DIAPH2: variants seen among roughly 807,000 people sequenced by gnomAD.
DIAPH2 encodes the protein protein diaphanous homolog 2.
In DIAPH2, 35 loss-of-function variants were observed where a neutral mutation model predicts 92.7. The ratio of observed to expected loss-of-function variants is 0.38; its 90% CI spans 0.29 to 0.50. DIAPH2 has a LOEUF of 0.50. Among genes scored for constraint, DIAPH2 ranks in the 20% least tolerant of loss-of-function variants. The pLI, the probability that DIAPH2 is intolerant of heterozygous loss-of-function variation, is 0.94. For synonymous variants in DIAPH2, 301 were observed against 280.4 expected (o/e 1.07, Z -0.73); for missense variants, 701 against 819.5 (o/e 0.86, Z 1.77).
rs762895455 is a variant in DIAPH2, at chrX:97,073,051, T to C, written c.2152+9T>C. 8.8e-7 allele frequency: 1 copy of C among 1,135,150 alleles called. No homozygotes were observed. 93.5% of individuals were successfully genotyped at this position (1,135,150 alleles called of 1,213,427 possible). A position where few individuals can be genotyped will look rare whatever the true frequency, so the allele number is the denominator to read the frequency against. On this transcript the variant is annotated intron_variant, in intron 18 of 26. Transcript: ENST00000324765. The stretch of plus-strand genomic sequence containing the variant: ...AACAGCTCAGAATCTGTGTATGTAA[T>C]ATTTTCTTCGTAGGATTGGTATAGG...
intron 4 of DIAPH2, among the ~76,000 whole-genome samples, chrX:96,782,277 T>TTTTGTTTG (rs562358550): frequency 7.3e-5 from 8 of 109,798 alleles, no homozygotes; most frequent in South Asian, 7.9e-4. Context: ...TGTTTTGTAT[T>TTTTGTTTG]TTTGTTTGTT....
chrX:97,600,073 A>G lies in DIAPH2; in HGVS notation c.*756A>G, dbSNP rs2147891078. The G allele has an allele frequency of 8.9e-6, 1 of 112,979 alleles. No individual in the cohort carries two copies. The highest frequency in any genetic ancestry group is 3.7e-4 in the South Asian group (1 of 2,730). The allele number at this position is 112,979 out of a possible 1,213,427, so 9.3% of individuals were successfully genotyped here. ...AGGTATTTTCTAATTATGCACAGAT[A>G]TCTACTTTATACAAATACTTTATAT... On this transcript the variant is annotated 3_prime_UTR_variant, in exon 27 of 27. Coordinates refer to ENST00000324765, the MANE Select transcript of DIAPH2 (RefSeq NM_006729.5).
chrX:97,570,161 G>T (rs1199582270), intron 26 of DIAPH2, among the ~76,000 whole-genome samples: 25 of 77,715 alleles, frequency 3.2e-4, no homozygotes, highest in Non-Finnish European at 5.4e-4. Flanking sequence ...TAGATAGATA[G>T]ATATACTAGA....
intron 19 of DIAPH2, among the ~76,000 whole-genome samples, chrX:97,084,294 C>T (rs182079650): frequency 1.2e-4 from 13 of 111,106 alleles, no homozygotes; most frequent in Admixed American, 7.7e-4. Context: ...GTTTATTGAA[C>T]GGATCAAATT....
chrX:97,226,443 G>A (rs1225286453), intron 22 of DIAPH2, among the ~76,000 whole-genome samples: 2 of 110,645 alleles, frequency 1.8e-5, no homozygotes, highest in East Asian at 2.8e-4. Context: ...GCGCGATCTC[G>A]GCTCACTGCA....
intron 21 of DIAPH2, among the ~76,000 whole-genome samples, chrX:97,122,112 G>A (rs1290122887): frequency 9.0e-6 from 1 of 111,509 alleles, no homozygotes; most frequent in Non-Finnish European, 1.9e-5. Context: ...CTCATTTCAA[G>A]GAAGCATTAT....
chrX:97,272,242 C>T (rs1250405489), intron 23 of DIAPH2, among the ~76,000 whole-genome samples: 1 of 110,915 alleles, frequency 9.0e-6, no homozygotes, highest in African/African-American at 3.3e-5. Context: ...CATGATCCAC[C>T]CGCCTCGGCC....
intron 12 of DIAPH2, among the ~76,000 whole-genome samples, chrX:96,940,722 G>A (rs879124647): frequency 1.8e-5 from 2 of 111,800 alleles, no homozygotes; most frequent in Admixed American, 1.9e-4. Flanking sequence ...AAGCAACAAG[G>A]CTGGTTATAC....
chrX:97,445,138 T>G (rs2070295899), intron 26 of DIAPH2, among the ~76,000 whole-genome samples: 3 of 111,425 alleles, frequency 2.7e-5, no homozygotes, highest in South Asian at 7.6e-4. Flanking sequence ...GAAATAATGT[T>G]TTTTTGTTGC....
At chrX:96,891,821 T>C (rs1251324952) in intron 5 of DIAPH2, among the ~76,000 whole-genome samples, 1 of 111,963 alleles carries the variant, frequency 8.9e-6, no homozygotes, top group Non-Finnish European at 1.9e-5. Context: ...ACTCATGGCA[T>C]AGTGTCTGTA....
chrX:97,417,834 T>A (rs928782126), intron 25 of DIAPH2, among the ~76,000 whole-genome samples: 2 of 110,848 alleles, frequency 1.8e-5, no homozygotes, highest in Non-Finnish European at 3.8e-5. Flanking sequence ...TACAATGTTT[T>A]TTTTTTTCTC....
intron 26 of DIAPH2, among the ~76,000 whole-genome samples, chrX:97,473,525 G>A (rs772187818): frequency 6.1e-4 from 68 of 110,807 alleles, no homozygotes; most frequent in Non-Finnish European, 1.1e-3. Context: ...TAGTAGAGAC[G>A]GGGTTTCACC....
chrX:96,843,594 C>T (rs916044831), intron 4 of DIAPH2, among the ~76,000 whole-genome samples: 1 of 110,596 alleles, frequency 9.0e-6, no homozygotes, highest in Non-Finnish European at 1.9e-5. Context: ...GTTAGACTCA[C>T]AGATACTTGG....
At chrX:97,065,743 G>A in intron 17 of DIAPH2, among the ~76,000 whole-genome samples, 1 of 110,772 alleles carries the variant, frequency 9.0e-6, no homozygotes, top group African/African-American at 3.3e-5. Context: ...AGAAGTCATT[G>A]TTATCATAGG....
chrX:97,216,134 C>T (rs756116182), intron 22 of DIAPH2, among the ~76,000 whole-genome samples: 1 of 111,740 alleles, frequency 8.9e-6, no homozygotes, highest in South Asian at 3.7e-4. Context: ...ACTATGTATC[C>T]TGTTATGTAA....
Position 96,997,436 on chromosome X carries a change from C to T in DIAPH2, c.2050+32229C>T, listed in dbSNP as rs140615870. On this transcript the variant is annotated intron_variant, in intron 17 of 26. Coordinates refer to ENST00000324765, the MANE Select transcript of DIAPH2 (RefSeq NM_006729.5). ...GTATGTACAGCATCATTCCCCCATA[C>T]ATCGTGCTCCGTGGTAAAAATGACC... Among the ~76,000 whole-genome samples, 689 of 111,399 alleles carry T rather than the reference C, an allele frequency of 6.2e-3. 3 individuals are homozygous for T. The highest frequency in any genetic ancestry group is 0.01 in the Non-Finnish European group (543 of 53,001).
intron 26 of DIAPH2, among the ~76,000 whole-genome samples, chrX:97,523,896 GAATT>G (rs956865852): frequency 2.7e-5 from 3 of 111,329 alleles, no homozygotes; most frequent in Non-Finnish European, 5.7e-5. Context: ...TCAGAAATAA[GAATT>G]AACTAGATAT....
intron 26 of DIAPH2, among the ~76,000 whole-genome samples, chrX:97,537,501 A>G (rs749933383): frequency 8.9e-6 from 1 of 112,219 alleles, no homozygotes; most frequent in South Asian, 3.7e-4. Flanking sequence ...CCTCTAAGAT[A>G]GTTCCGAATG....
At chrX:96,735,419 A>G (rs1193472737) in intron 1 of DIAPH2, among the ~76,000 whole-genome samples, 1 of 110,906 alleles carries the variant, frequency 9.0e-6, no homozygotes, top group East Asian at 2.8e-4. Context: ...TTGAGGATTC[A>G]TTTCCAAACT....
Sources: allele counts gnomAD v4.1 joint callset (sites outside exome capture counted in the v4.1 genomes callset), GRCh38; gene constraint gnomAD v4.1.1; transcripts MANE v1.5; gene names NCBI Gene and HGNC (gene_info 2026-07-23, HGNC 2026-07-21).